LRIF1: variants seen among roughly 807,000 people sequenced by gnomAD.
The protein encoded by LRIF1 is ligand dependent nuclear receptor interacting factor 1.
A neutral mutation model predicts 52.7 loss-of-function variants in LRIF1; 32 were observed. That is an observed-to-expected ratio of 0.61 (90% CI 0.46 to 0.82). The LOEUF (loss-of-function observed/expected upper bound fraction) is 0.82. LRIF1 is among the 40% of genes least tolerant of loss of function. The pLI, the probability that LRIF1 is intolerant of heterozygous loss-of-function variation, is 0.00. For missense variants in LRIF1, 887 were observed against 892.0 expected, an observed-to-expected ratio of 0.99 and a Z score of 0.07; for synonymous variants, 323 against 317.4, an observed-to-expected ratio of 1.02 and a Z score of -0.19.
chr1:110,950,270 C>T, intron 2 of LRIF1, 147 bp from the exon 3 acceptor site: 1 of 907,374 alleles, frequency 1.1e-6, no homozygotes, highest in South Asian at 2.0e-5. Context: ...ACCACCCACA[C>T]TCAAAAAACT....
chr1:110,954,451 T>C (rs1658612999), intron 1 of LRIF1, among the ~76,000 whole-genome samples: 1 of 152,130 alleles, frequency 6.6e-6, no homozygotes, highest in Non-Finnish European at 1.5e-5. Flanking sequence ...CGGCTAATTT[T>C]TGTATTTTTT....
At chr1:110,954,912 G>A (rs191605055) in intron 1 of LRIF1, among the ~76,000 whole-genome samples, 153 of 152,328 alleles carry the variant, frequency 1.0e-3, no homozygotes, top group African/African-American at 3.5e-3. Context: ...CCAAAGCTTA[G>A]AAAGAATCCT....
chr1:110,888,195 C>T, the LRIF1 span, among the ~76,000 whole-genome samples: 1 of 152,182 alleles, frequency 6.6e-6, no homozygotes, highest in South Asian at 2.1e-4. Flanking sequence ...ACCTTCAGAA[C>T]TGTAAAATAA....
chr1:110,962,972 A>T (rs6696299), intron 1 of LRIF1, among the ~76,000 whole-genome samples: 73,393 of 151,798 alleles, frequency 0.48, 18,518 homozygotes, highest in Non-Finnish European at 0.56. Context: ...CTTTACAAGA[A>T]TATCTTCCTT....
At chr1:110,924,899 G>A in the LRIF1 span, among the ~76,000 whole-genome samples, 6 of 152,062 alleles carry the variant, frequency 3.9e-5, no homozygotes, top group Admixed American at 2.6e-4. Flanking sequence ...GAAAACTAAC[G>A]TAATTCATCA....
the LRIF1 span, among the ~76,000 whole-genome samples, chr1:110,888,560 G>A: frequency 1.3e-5 from 2 of 152,094 alleles, no homozygotes; most frequent in African/African-American, 4.8e-5. Flanking sequence ...TCAGGTGAGG[G>A]GGTAAATCTG....
At chr1:110,898,379 GAA>G in the LRIF1 span, among the ~76,000 whole-genome samples, 5 of 115,654 alleles carry the variant, frequency 4.3e-5, no homozygotes, top group South Asian at 2.9e-4. Flanking sequence ...TCTGTCTCCA[GAA>G]AAAAAAAAAA....
intron 1 of LRIF1, among the ~76,000 whole-genome samples, chr1:110,956,968 A>G (rs1045281474): frequency 6.6e-6 from 1 of 152,014 alleles, no homozygotes; most frequent in African/African-American, 2.4e-5. Context: ...TTCATTCCCT[A>G]GGTACCTCTC....
At chr1:110,890,672 C>A in the LRIF1 span, among the ~76,000 whole-genome samples, 1 of 152,276 alleles carries the variant, frequency 6.6e-6, no homozygotes, top group South Asian at 2.1e-4. Flanking sequence ...AGACATTGGA[C>A]ATTGATGTCC....
At chr1:110,957,740 AG>A (rs1359773708) in intron 1 of LRIF1, among the ~76,000 whole-genome samples, 6 of 152,168 alleles carry the variant, frequency 3.9e-5, no homozygotes. Context: ...CACATCATAT[AG>A]GTTTCAAATC....
the LRIF1 span, among the ~76,000 whole-genome samples, chr1:110,876,256 C>T: frequency 1.3e-5 from 2 of 152,112 alleles, no homozygotes; most frequent in East Asian, 3.8e-4. Context: ...TTCAGAATGT[C>T]TTCTGATTCT....
the LRIF1 span, chr1:110,897,946 AGATT>A: frequency 1.0e-6 from 1 of 995,214 alleles, no homozygotes; most frequent in Non-Finnish European, 1.6e-6. Flanking sequence ...AAGTCAGGTA[AGATT>A]TCAGAATAAT....
the LRIF1 span, chr1:110,938,856 A>G: frequency 6.6e-6 from 1 of 152,262 alleles, no homozygotes; most frequent in Non-Finnish European, 1.5e-5. Context: ...AAAAATCAGT[A>G]AAGTTCCAGG....
the LRIF1 span, among the ~76,000 whole-genome samples, chr1:110,928,309 C>A: frequency 6.6e-6 from 1 of 152,158 alleles, no homozygotes; most frequent in Admixed American, 6.5e-5. Flanking sequence ...GGCTATGTAA[C>A]ACAGTTTTGG....
chr1:110,888,211 T>A, the LRIF1 span, among the ~76,000 whole-genome samples: 1 of 152,176 alleles, frequency 6.6e-6, no homozygotes, highest in African/African-American at 2.4e-5. Context: ...AATAATAAAT[T>A]TGCGTTGCTA....
At chr1:110,896,700 A>T in the LRIF1 span, 3 of 1,613,590 alleles carry the variant, frequency 1.9e-6, no homozygotes, top group Non-Finnish European at 2.5e-6. Flanking sequence ...CCAGTGGCCC[A>T]CCAGCATCTT....
the LRIF1 span, chr1:110,892,705 G>A: frequency 4.9e-6 from 3 of 614,902 alleles, no homozygotes; most frequent in African/African-American, 1.8e-5. Flanking sequence ...TGTATGACTA[G>A]GGTCCCACGG....
At chr1:110,963,400 G>C (rs1160987017) in intron 1 of LRIF1, 2 of 354,662 alleles carry the variant, frequency 5.6e-6, no homozygotes, top group African/African-American at 4.1e-5. Context: ...CTGGGGTCCC[G>C]CGGAGCCGCT....
chr1:110,898,229 T>C, the LRIF1 span, among the ~76,000 whole-genome samples: 3 of 151,674 alleles, frequency 2.0e-5, no homozygotes, highest in Non-Finnish European at 4.4e-5. Flanking sequence ...TACAAAAAAT[T>C]AACCAGACGT....
Sources: gnomAD v4.1 joint callset for allele counts (sites outside exome capture counted in the v4.1 genomes callset) on GRCh38, gnomAD v4.1.1 for gene constraint, MANE v1.5 for transcripts, NCBI Gene and HGNC (gene_info 2026-07-23, HGNC 2026-07-21) for gene names.